Variants in COBLL1 observed in about 807,000 individuals in gnomAD.
COBLL1 encodes the protein cordon-bleu protein-like 1.
In COBLL1, 50 loss-of-function variants were observed where a neutral mutation model predicts 94.8. That is an observed-to-expected ratio of 0.53 (90% confidence interval 0.42 to 0.67). The LOEUF is 0.67. COBLL1 is among the 30% of genes least tolerant of loss of function. The pLI is 0.00. For synonymous variants in COBLL1, 448 were observed against 473.8 expected, an observed-to-expected ratio of 0.95 and a Z score of 0.71; for missense variants, 1,362 against 1,348.7, an observed-to-expected ratio of 1.01 and a Z score of -0.15.
chr2:164,720,344 G>T (rs1472238142), intron 7 of COBLL1, among the ~76,000 whole-genome samples: 4 of 151,910 alleles, frequency 2.6e-5, no homozygotes, highest in Non-Finnish European at 1.5e-5. Flanking sequence ...AGAATCAAAA[G>T]AAATAGCTTT....
intron 3 of COBLL1, among the ~76,000 whole-genome samples, chr2:164,732,394 T>C (rs1260485396): frequency 6.6e-6 from 1 of 152,184 alleles, no homozygotes; most frequent in Non-Finnish European, 1.5e-5. Context: ...AAAATGGTCT[T>C]GTGGAAGTTG....
chr2:164,766,837 T>A (rs777947753), intron 2 of COBLL1, among the ~76,000 whole-genome samples: 1 of 152,166 alleles, frequency 6.6e-6, no homozygotes, highest in Non-Finnish European at 1.5e-5. Context: ...CCAACAGATA[T>A]TCAAGAACCA....
At chr2:164,829,593 G>A (rs1451153801) in intron 2 of COBLL1, among the ~76,000 whole-genome samples, 1 of 151,882 alleles carries the variant, frequency 6.6e-6, no homozygotes, top group East Asian at 1.9e-4. Flanking sequence ...AAATACATAA[G>A]CAGATCACAA....
chr2:164,799,402 A>G (rs1683646773), intron 2 of COBLL1, among the ~76,000 whole-genome samples: 1 of 152,246 alleles, frequency 6.6e-6, no homozygotes, highest in Admixed American at 6.5e-5. Context: ...AACTCCATCA[A>G]AATATGTAGA....
chr2:164,708,383 G>A (rs938334362), intron 7 of COBLL1, among the ~76,000 whole-genome samples: 1 of 152,138 alleles, frequency 6.6e-6, no homozygotes, highest in African/African-American at 2.4e-5. Flanking sequence ...CTCAATGGAT[G>A]TTTGAAATAA....
At chr2:164,688,138 T>G (rs184886952) in intron 13 of COBLL1, among the ~76,000 whole-genome samples, 74 of 152,304 alleles carry the variant, frequency 4.9e-4, no homozygotes, top group African/African-American at 1.7e-3. Flanking sequence ...GGATTCCATT[T>G]TGTAAATTAA....
At chr2:164,764,835 T>G (rs1485026997) in intron 2 of COBLL1, among the ~76,000 whole-genome samples, 4 of 152,124 alleles carry the variant, frequency 2.6e-5, no homozygotes, top group African/African-American at 9.7e-5. Flanking sequence ...AAAAACTAAA[T>G]AGTCATTATG....
chr2:164,769,843 AT>A lies in COBLL1; in HGVS notation c.42-25969del, dbSNP rs1358726819. On this transcript the variant is annotated intron_variant, in intron 2 of 13. Transcript: ENST00000652658. Reference sequence around the variant, plus strand: ...ACCTACGCTGGCTTTGGGTAAAGAAATAAGTACAATTCCTGTATTCAAAGAA... The same window carrying A: ...ACCTACGCTGGCTTTGGGTAAAGAAAAAGTACAATTCCTGTATTCAAAGAA... Among the ~76,000 whole-genome samples the A allele has an allele frequency of 5.3e-5, 8 of 152,178 alleles. 1 individual carries two copies. The highest frequency in any genetic ancestry group is 1.9e-4 in the African/African-American group (8 of 41,414).
intron 2 of COBLL1, among the ~76,000 whole-genome samples, chr2:164,836,267 CATACA>C (rs1470853857): frequency 1.2e-4 from 19 of 152,030 alleles, no homozygotes; most frequent in Non-Finnish European, 5.9e-5. Flanking sequence ...TACATCATAC[CATACA>C]CAGGAATATG....
At chr2:164,736,376 G>C (rs1274742565) in intron 3 of COBLL1, among the ~76,000 whole-genome samples, 1 of 152,094 alleles carries the variant, frequency 6.6e-6, no homozygotes, top group Non-Finnish European at 1.5e-5. Flanking sequence ...TCAAAATTGA[G>C]AATGCTTATT....
chr2:164,667,946 CTTT>C (rs1170450391), intron 1 of COBLL1, among the ~76,000 whole-genome samples: 6 of 132,834 alleles, frequency 4.5e-5, no homozygotes, highest in Non-Finnish European at 3.3e-5. Flanking sequence ...TCTCGGCTTT[CTTT>C]TTTTTTTTTT....
chr2:164,835,075 CA>C (rs1318652089), intron 2 of COBLL1, among the ~76,000 whole-genome samples: 13 of 151,136 alleles, frequency 8.6e-5, no homozygotes, highest in African/African-American at 4.9e-5. Context: ...AAAAACAAAA[CA>C]AAAAAAGAAC....
At chr2:164,667,775 C>G (rs1024773084) in intron 1 of COBLL1, among the ~76,000 whole-genome samples, 1 of 152,174 alleles carries the variant, frequency 6.6e-6, no homozygotes, top group Non-Finnish European at 1.5e-5. Flanking sequence ...TATGTTGTGG[C>G]TGCTTTGATC....
chr2:164,813,315 C>T (rs1435375227), intron 2 of COBLL1, among the ~76,000 whole-genome samples: 1 of 152,058 alleles, frequency 6.6e-6, no homozygotes, highest in African/African-American at 2.4e-5. Flanking sequence ...AGATGAACAA[C>T]CATGTACCCC....
At chr2:164,781,524 T>C (rs572616466) in intron 2 of COBLL1, among the ~76,000 whole-genome samples, 1 of 152,334 alleles carries the variant, frequency 6.6e-6, no homozygotes, top group East Asian at 1.9e-4. Context: ...GAGGTGCTCT[T>C]TCCCCTTTCT....
chr2:164,673,930 ATAT>A (rs1467164251), intron 1 of COBLL1, among the ~76,000 whole-genome samples: 1 of 152,232 alleles, frequency 6.6e-6, no homozygotes, highest in Non-Finnish European at 1.5e-5. Flanking sequence ...GGCTATTGTC[ATAT>A]TATTATGCTA....
In COBLL1 at chr2:164,799,108, T is replaced by C. The variant is rs550879458; in HGVS notation, c.41+42048A>G. 5.4e-5 allele frequency among the ~76,000 whole-genome samples: 8 copies of C among 149,278 alleles called. No homozygotes were observed. In the South Asian group the frequency reaches 1.7e-3, roughly 32 times the overall value. ...AGCTGTAAAACCCAGACAGAATCCA[T>C]AAAGCAACAATTTGAAGAATCTGAA... On this transcript the variant is annotated intron_variant, in intron 2 of 13. Transcript: ENST00000652658.
chr2:164,705,368 G>A (rs1303382091), intron 7 of COBLL1: 1 of 298,830 alleles, frequency 3.3e-6, no homozygotes, highest in African/African-American at 2.2e-5. Context: ...TAATGTAGAG[G>A]ACTCATAAGT....
intron 2 of COBLL1, among the ~76,000 whole-genome samples, chr2:164,769,399 T>A (rs186429744): frequency 1.7e-3 from 254 of 152,318 alleles, no homozygotes; most frequent in African/African-American, 5.1e-3. Flanking sequence ...CTTCTTCCCA[T>A]CTATTGTAGA....
Sources: allele counts gnomAD v4.1 joint callset (sites outside exome capture counted in the v4.1 genomes callset), GRCh38; gene constraint gnomAD v4.1.1; transcripts MANE v1.5; gene names NCBI Gene and HGNC (gene_info 2026-07-23, HGNC 2026-07-21).